Variants in COL11A1 observed in about 807,000 individuals in gnomAD.
COL11A1 encodes the protein collagen alpha-1(XI) chain.
A neutral mutation model predicts 265.2 loss-of-function variants in COL11A1; 74 were observed. The observed-to-expected ratio is 0.28, with a 90% CI of 0.23 to 0.34. The LOEUF (loss-of-function observed/expected upper bound fraction) is 0.34, where lower values mean the gene tolerates loss of function less well. COL11A1 is among the 10% of genes least tolerant of loss of function. The pLI, the probability that COL11A1 is intolerant of heterozygous loss-of-function variation, is 1.00. For missense variants in COL11A1, 2,165 were observed against 2,263.6 expected, an observed-to-expected ratio of 0.96 and a Z score of 0.88; for synonymous variants, 816 against 727.6, an observed-to-expected ratio of 1.12 and a Z score of -1.96.
chr1:103,085,153 G>A (rs143215993), intron 1 of COL11A1, among the ~76,000 whole-genome samples: 29 of 152,318 alleles, frequency 1.9e-4, no homozygotes, highest in African/African-American at 6.7e-4. Flanking sequence ...TGAGCTCTGA[G>A]TGCTTTTGTA....
intron 3 of COL11A1, among the ~76,000 whole-genome samples, chr1:103,076,932 C>G (rs1538048): frequency 0.94 from 142,319 of 152,150 alleles, 66,807 homozygotes; most frequent in East Asian, 1. Context: ...AAAAACATCA[C>G]AGTGTGCTTA....
chr1:103,051,750 C>T (rs568345842), intron 4 of COL11A1, among the ~76,000 whole-genome samples: 5 of 152,152 alleles, frequency 3.3e-5, no homozygotes, highest in Non-Finnish European at 7.3e-5. Context: ...TGGCTCCTCC[C>T]TATATCAATA....
intron 44 of COL11A1, among the ~76,000 whole-genome samples, chr1:102,937,846 A>C (rs567718492): frequency 6.6e-6 from 1 of 152,246 alleles, no homozygotes; most frequent in Admixed American, 6.5e-5. Flanking sequence ...AGTAACACAA[A>C]ACAGACTAAG....
Position 102,877,982 on chromosome 1 carries a change from T to C in COL11A1, c.*37A>G. ...AAAATGGGTTGGTGGCACCAAGGTATATTTTCTGTTGATTTGATATGTTCT... is the reference window on the plus strand; with the variant it reads ...AAAATGGGTTGGTGGCACCAAGGTACATTTTCTGTTGATTTGATATGTTCT... On this transcript the variant is annotated 3_prime_UTR_variant, in exon 67 of 67. Transcript: ENST00000370096. The C allele has an allele frequency of 6.2e-7, 1 of 1,610,992 alleles. No homozygotes were observed. Among genetic ancestry groups the C allele is most frequent in the Non-Finnish European group, 8.5e-7 (1 of 1,177,678 alleles).
rs1195682410 is a variant in COL11A1, at chr1:103,103,585, A to T, written c.106+4488T>A. Among the ~76,000 whole-genome samples the T allele has an allele frequency of 2.0e-5, 3 of 152,120 alleles. No homozygotes were observed. The East Asian group carries it at 5.8e-4, about 29-fold the overall frequency. Reference sequence around the variant, plus strand: ...CTATTTAAATTTCTTTATATAAGACATTTTCACTATATCTACCTTCTCACT... The same window carrying T: ...CTATTTAAATTTCTTTATATAAGACTTTTTCACTATATCTACCTTCTCACT... On this transcript the variant is annotated intron_variant, in intron 1 of 66. Transcript: ENST00000370096.
chr1:103,030,832 A>G (rs1344181740), intron 5 of COL11A1: 2 of 388,764 alleles, frequency 5.1e-6, no homozygotes, highest in Non-Finnish European at 9.8e-6. Flanking sequence ...TCGCTATTAC[A>G]TATTATCTTC....
intron 35 of COL11A1, among the ~76,000 whole-genome samples, chr1:102,977,701 C>A (rs564780667): frequency 1.9e-4 from 29 of 152,122 alleles, no homozygotes; most frequent in African/African-American, 5.3e-4. Flanking sequence ...TAAAATACTT[C>A]AAATGAATGT....
intron 4 of COL11A1, among the ~76,000 whole-genome samples, chr1:103,067,009 A>T (rs1233077286): frequency 6.6e-6 from 1 of 151,924 alleles, no homozygotes; most frequent in Non-Finnish European, 1.5e-5. Context: ...CACATGCCTG[A>T]GAATGCAATA....
chr1:102,995,412 C>T (rs1350587176), intron 28 of COL11A1, among the ~76,000 whole-genome samples: 3 of 151,968 alleles, frequency 2.0e-5, no homozygotes, highest in Non-Finnish European at 2.9e-5. Flanking sequence ...GAAAGACTTC[C>T]TCTTTCCCCA....
At position 102,878,123 on chromosome 1, in the gene COL11A1, G is replaced by A. The variant is rs750652823; in HGVS notation, c.5317C>T (p.Pro1773Ser). Residue 1773 changes from proline (P) to serine (S), a missense_variant, in exon 67 of 67, where the codon CCA (proline) becomes TCA (serine). Pro to Ser is a moderately conservative substitution (Grantham distance 74). Transcript: ENST00000370096. ...ACAATAGGTACTTGATCAATTTTTG[G>A]TGTATTGATTTCAATGACAGTCTTT... ...YEKTVIEINT[P>S]KIDQVPIVDV... 2.5e-6 allele frequency: 4 copies of A among 1,612,986 alleles called. 1 individual carries two copies. Among genetic ancestry groups the A allele is most frequent in the South Asian group, 2.2e-5 (2 of 91,038 alleles).
chr1:102,921,633 AT>A (rs1557823493), intron 47 of COL11A1, 62 bp from the exon 48 acceptor site: 1 of 1,347,038 alleles, frequency 7.4e-7, no homozygotes, highest in Non-Finnish European at 1.1e-6. Flanking sequence ...CAACATTTTC[AT>A]TTTATGACTG....
intron 44 of COL11A1, 134 bp downstream of exon 44, chr1:102,938,901 C>A: frequency 1.4e-6 from 1 of 737,622 alleles, no homozygotes; most frequent in South Asian, 1.5e-5. Flanking sequence ...AATGATATAA[C>A]TGCAGAGGTA....
chr1:102,989,274 G>A (rs569281635), intron 29 of COL11A1, among the ~76,000 whole-genome samples: 13 of 151,770 alleles, frequency 8.6e-5, no homozygotes, highest in East Asian at 5.8e-4. Context: ...GTGTGTGCAC[G>A]CGTGCATGCT....
chr1:103,069,087 G>T (rs2102248799), intron 4 of COL11A1, among the ~76,000 whole-genome samples: 1 of 151,736 alleles, frequency 6.6e-6, no homozygotes, highest in South Asian at 2.1e-4. Context: ...GTGTAGAAAT[G>T]AAAATGACCC....
At chr1:102,948,193 T>C (rs1659515776) in intron 41 of COL11A1, among the ~76,000 whole-genome samples, 1 of 152,084 alleles carries the variant, frequency 6.6e-6, no homozygotes, top group Non-Finnish European at 1.5e-5. Context: ...CAACAACTTG[T>C]ATTAACATAA....
intron 8 of COL11A1, 40 bp from the exon 9 acceptor site, chr1:103,021,809 A>T: frequency 2.2e-6 from 3 of 1,349,142 alleles, no homozygotes; most frequent in Non-Finnish European, 3.2e-6. Flanking sequence ...AATGTCTGTA[A>T]GACCATTTCT....
At chr1:103,042,287 C>A (rs755590987) in intron 4 of COL11A1, among the ~76,000 whole-genome samples, 6 of 152,006 alleles carry the variant, frequency 3.9e-5, no homozygotes, top group Non-Finnish European at 7.4e-5. Flanking sequence ...ACACATATTT[C>A]TTTACTACCT....
chr1:103,038,122 A>C (rs1668516968), intron 4 of COL11A1, among the ~76,000 whole-genome samples: 1 of 152,182 alleles, frequency 6.6e-6, no homozygotes, highest in East Asian at 1.9e-4. Flanking sequence ...ATTAAACATA[A>C]AAAGCATCTT....
At position 103,014,606 on chromosome 1, in the gene COL11A1, T is replaced by C. The variant is rs1023414909; in HGVS notation, c.1489-12A>G. Reference sequence around the variant, plus strand: ...CCACCATAACGGAACTTGGAAGAGATAACATTAAGAAATTCAAAATTAGCT... The same window carrying C: ...CCACCATAACGGAACTTGGAAGAGACAACATTAAGAAATTCAAAATTAGCT... On this transcript the variant is annotated splice_polypyrimidine_tract_variant and intron_variant, in intron 12 of 66. Transcript: ENST00000370096. The C allele has an allele frequency of 1.9e-6, 3 of 1,610,530 alleles. No individual in the cohort carries two copies. The highest frequency in any genetic ancestry group is 1.7e-5 in the Admixed American group (1 of 59,894).
Sources: allele counts gnomAD v4.1 joint callset (sites outside exome capture counted in the v4.1 genomes callset), GRCh38; gene constraint gnomAD v4.1.1; transcripts MANE v1.5; gene names NCBI Gene and HGNC (gene_info 2026-07-23, HGNC 2026-07-21).